Variants in DMD observed in about 807,000 individuals in gnomAD.
DMD encodes the protein mutant dystrophin.
A neutral mutation model predicts 330.1 loss-of-function variants in DMD; 63 were observed. The observed-to-expected ratio is 0.19, with a 90% confidence interval of 0.16 to 0.24. The LOEUF (loss-of-function observed/expected upper bound fraction) is 0.24. DMD is among the 10% of genes least tolerant of loss of function. DMD has a pLI of 1.00. For synonymous variants in DMD, 1,223 were observed against 959.8 expected (o/e 1.27, Z -5.07); for missense variants, 3,344 against 2,684.1 (o/e 1.25, Z -5.43).
chrX:32,940,905 C>A (rs184537338), intron 2 of DMD, among the ~76,000 whole-genome samples: 197 of 111,334 alleles, frequency 1.8e-3, no homozygotes, highest in African/African-American at 5.9e-3. Flanking sequence ...AACTACATAT[C>A]ACACAAAGGT....
chrX:31,797,220 A>G (rs2091873312), intron 50 of DMD, among the ~76,000 whole-genome samples: 1 of 111,877 alleles, frequency 8.9e-6, no homozygotes, highest in South Asian at 3.8e-4. Flanking sequence ...CAGACTAGGA[A>G]TGGGTTAACT....
At chrX:31,273,763 A>C (rs2051861108) in intron 62 of DMD, among the ~76,000 whole-genome samples, 1 of 111,776 alleles carries the variant, frequency 8.9e-6, no homozygotes, top group African/African-American at 3.3e-5. Flanking sequence ...GCTGTGTATT[A>C]TAGCAAAGGC....
intron 30 of DMD, among the ~76,000 whole-genome samples, chrX:32,396,956 A>C (rs1461586863): frequency 8.9e-6 from 1 of 111,782 alleles, no homozygotes; most frequent in Non-Finnish European, 1.9e-5. Flanking sequence ...GCTTATTGTG[A>C]AATAGAAAAG....
intron 45 of DMD, 101 bp downstream of exon 45, chrX:31,968,238 T>C (rs2095368410): frequency 1.0e-6 from 1 of 971,898 alleles, no homozygotes; most frequent in East Asian, 3.1e-5. Flanking sequence ...TTAATGTTAG[T>C]GCCTTTCACC....
In DMD at chrX:32,435,297, T is replaced by TA. The variant is rs1557355914; in HGVS notation, c.4071+2943_4071+2944insT. 2.4e-3 allele frequency among the ~76,000 whole-genome samples: 235 copies of TA among 99,170 alleles called. 3 individuals are homozygous for TA. Among genetic ancestry groups the TA allele is most frequent in the African/African-American group, 5.7e-3 (159 of 28,119 alleles). 86.1% of individuals were successfully genotyped at this position (99,170 alleles called of 115,157 possible). ...TTACATATATATATATATATATATA[T>TA]TTACACCCATACAAACACACACACA... is the stretch of plus-strand genomic sequence containing the variant. On this transcript the variant is annotated intron_variant, in intron 29 of 78. Coordinates refer to ENST00000357033, the MANE Select transcript of DMD (RefSeq NM_004006.3).
At chrX:32,560,182 G>T (rs1363649038) in intron 16 of DMD, among the ~76,000 whole-genome samples, 20 of 86,859 alleles carry the variant, frequency 2.3e-4, no homozygotes, top group African/African-American at 7.3e-4. Flanking sequence ...CTTTAGACTC[G>T]CTTGAAAAAA....
At chrX:33,067,826 C>T (rs961102324) in intron 1 of DMD, among the ~76,000 whole-genome samples, 7 of 111,686 alleles carry the variant, frequency 6.3e-5, no homozygotes, top group Admixed American at 1.9e-4. Flanking sequence ...GCCTGGGCGA[C>T]AGAGCCAGAC....
At chrX:33,057,155 G>A (rs1396529608) in intron 1 of DMD, among the ~76,000 whole-genome samples, 11 of 111,423 alleles carry the variant, frequency 9.9e-5, no homozygotes, top group Non-Finnish European at 1.7e-4. Context: ...TATTCAGATA[G>A]AACAAATGCC....
intron 13 of DMD, among the ~76,000 whole-genome samples, chrX:32,589,528 A>G (rs923084571): frequency 9.0e-6 from 1 of 110,973 alleles, no homozygotes; most frequent in Non-Finnish European, 1.9e-5. Flanking sequence ...TTAACTATAT[A>G]CACATTTATA....
At chrX:32,765,535 G>A (rs1403819708) in intron 7 of DMD, among the ~76,000 whole-genome samples, 1 of 111,294 alleles carries the variant, frequency 9.0e-6, no homozygotes, top group Non-Finnish European at 1.9e-5. Flanking sequence ...AATTTACCCA[G>A]TTTCAGATAT....
At position 32,287,630 on chromosome X, in the gene DMD, C is replaced by T. The variant is rs1603629985; in HGVS notation, c.6189G>A (p.Leu2063=). 8.3e-7 allele frequency: 1 copy of T among 1,208,310 alleles called. No homozygotes were observed. The highest frequency in any genetic ancestry group is 3.0e-5 in the East Asian group (1 of 33,732). ...CCCTTTCCACAGGCGTTGCACTTTG[C>T]AATGCTGCTGTCTTCTTGCTATGAA... The part of the protein sequence containing the change: ...DIIHSKKTAA[L]QSATPVERVK... The change falls in exon 43 of 79, where the codon TTG becomes TTA. Residue 2063 remains leucine (L), a synonymous_variant. Coordinates refer to ENST00000357033, the MANE Select transcript of DMD (RefSeq NM_004006.3).
At chrX:32,361,127 T>G (rs2147211452) in intron 37 of DMD, among the ~76,000 whole-genome samples, 1 of 110,473 alleles carries the variant, frequency 9.1e-6, no homozygotes, top group South Asian at 3.7e-4. Flanking sequence ...CTTAGTGATT[T>G]ATTAAAATGT....
At chrX:32,422,197 CT>C (rs1227370488) in intron 29 of DMD, among the ~76,000 whole-genome samples, 2 of 111,350 alleles carry the variant, frequency 1.8e-5, no homozygotes, top group African/African-American at 6.5e-5. Flanking sequence ...CATAATGCAC[CT>C]TAGCAAAGTG....
At chrX:31,163,281 T>G (rs1389170653) in intron 74 of DMD, among the ~76,000 whole-genome samples, 1 of 111,347 alleles carries the variant, frequency 9.0e-6, no homozygotes, top group Admixed American at 9.5e-5. Flanking sequence ...GTAACTCTCA[T>G]GAGATCTGAT....
intron 44 of DMD, among the ~76,000 whole-genome samples, chrX:32,126,542 C>G (rs185736839): frequency 1.8e-5 from 2 of 110,384 alleles, no homozygotes; most frequent in African/African-American, 6.8e-5. Flanking sequence ...AAATATGTAA[C>G]CTTAACCAGA....
At chrX:32,481,470 T>C (rs1157745840) in intron 21 of DMD, among the ~76,000 whole-genome samples, 1 of 111,781 alleles carries the variant, frequency 8.9e-6, no homozygotes, top group Non-Finnish European at 1.9e-5. Context: ...AAATGTCTAC[T>C]GCTCTTAAAA....
intron 44 of DMD, among the ~76,000 whole-genome samples, chrX:32,031,982 G>A (rs149987922): frequency 0.012 from 1,367 of 111,591 alleles, 18 homozygotes; most frequent in African/African-American, 0.042. Flanking sequence ...TAAACATTTC[G>A]TTGCAAATGT....
At chrX:31,683,389 G>A (rs2082491546) in intron 52 of DMD, among the ~76,000 whole-genome samples, 1 of 112,169 alleles carries the variant, frequency 8.9e-6, no homozygotes, top group African/African-American at 3.2e-5. Flanking sequence ...TCCAAAGAAT[G>A]CAGAGTGAGC....
intron 47 of DMD, among the ~76,000 whole-genome samples, chrX:31,924,949 C>T (rs760225418): frequency 8.9e-6 from 1 of 111,852 alleles, no homozygotes; most frequent in Admixed American, 9.5e-5. Context: ...AAAATGACAA[C>T]ATATTTATTA....
Sources: gnomAD v4.1 joint callset for allele counts (sites outside exome capture counted in the v4.1 genomes callset) on GRCh38, gnomAD v4.1.1 for gene constraint, MANE v1.5 for transcripts, NCBI Gene and HGNC (gene_info 2026-07-23, HGNC 2026-07-21) for gene names.